The following FSTL4 variants were observed in gnomAD, a reference collection of about 807,000 sequenced individuals.
The protein encoded by FSTL4 is follistatin like 4, also known as follistatin-related protein 4.
In FSTL4, 28 loss-of-function variants were observed where a neutral mutation model predicts 78.2. The ratio of observed to expected loss-of-function variants is 0.36; its 90% CI spans 0.27 to 0.49. The LOEUF (loss-of-function observed/expected upper bound fraction) is 0.49. FSTL4 is among the 20% of genes least tolerant of loss of function. The pLI is 0.98. For synonymous variants in FSTL4, 422 were observed against 440.5 expected (o/e 0.96, Z 0.53); for missense variants, 922 against 1,084.9 (o/e 0.85, Z 2.11).
chr5:133,265,006 C>T (rs114131308), intron 6 of FSTL4, among the ~76,000 whole-genome samples: 3,307 of 152,268 alleles, frequency 0.022, 27 homozygotes, highest in Middle Eastern at 0.058. Context: ...AGCCAGGCAC[C>T]CTCCCACTCC....
At chr5:133,594,786 A>C (rs527708134) in intron 2 of FSTL4, among the ~76,000 whole-genome samples, 2 of 152,374 alleles carry the variant, frequency 1.3e-5, no homozygotes, top group African/African-American at 4.8e-5. Flanking sequence ...CCAGAAAGAG[A>C]AATAAATGGA....
At chr5:133,206,613 C>T (rs1374578639) in intron 14 of FSTL4, among the ~76,000 whole-genome samples, 7 of 152,144 alleles carry the variant, frequency 4.6e-5, no homozygotes, top group African/African-American at 9.7e-5. Flanking sequence ...TCATCCACCT[C>T]GGCCTCCCAA....
intron 3 of FSTL4, among the ~76,000 whole-genome samples, chr5:133,472,018 C>T (rs1193353241): frequency 6.6e-6 from 1 of 152,104 alleles, no homozygotes; most frequent in Non-Finnish European, 1.5e-5. Context: ...TCATCCTTGT[C>T]CATAGTGACC....
chr5:133,501,031 G>A (rs767762353), intron 3 of FSTL4, among the ~76,000 whole-genome samples: 10 of 152,100 alleles, frequency 6.6e-5, no homozygotes, highest in South Asian at 2.1e-4. Context: ...TCTAAGTGCC[G>A]TGCAATTTTA....
At chr5:133,536,955 T>C (rs1759362362) in intron 3 of FSTL4, among the ~76,000 whole-genome samples, 2 of 152,164 alleles carry the variant, frequency 1.3e-5, no homozygotes, top group Admixed American at 6.6e-5. Flanking sequence ...CCAGTGCAAA[T>C]ATGGAAAAGA....
In FSTL4 at chr5:133,210,310, A is replaced by G. The variant is rs1750665311; in HGVS notation, c.1609-12T>C. On this transcript the variant is annotated splice_polypyrimidine_tract_variant and intron_variant, in intron 13 of 15. Transcript: ENST00000265342. ...TCCACACCTATGGACTTGAAAAAAA[A>G]TAGTGACATGTTGTGAAAGCTGACA... The G allele has an allele frequency of 6.9e-7, 1 of 1,455,124 alleles. No homozygotes were observed. The highest frequency in any genetic ancestry group is 9.7e-7 in the Non-Finnish European group (1 of 1,034,950). 90.1% of individuals were successfully genotyped at this position (1,455,124 alleles called of 1,614,324 possible).
the FSTL4 span, among the ~76,000 whole-genome samples, chr5:133,777,832 C>T: frequency 1.3e-4 from 20 of 152,182 alleles, no homozygotes; most frequent in Admixed American, 1.3e-3. Flanking sequence ...TCCATTTTGT[C>T]ATTATTAAAA....
chr5:133,284,162 C>T (rs921737184), intron 6 of FSTL4, among the ~76,000 whole-genome samples: 1 of 152,184 alleles, frequency 6.6e-6, no homozygotes, highest in African/African-American at 2.4e-5. Context: ...GATGTTATCT[C>T]CACAGATGTG....
At chr5:133,830,851 G>A in the FSTL4 span, among the ~76,000 whole-genome samples, 19 of 152,222 alleles carry the variant, frequency 1.2e-4, no homozygotes, top group African/African-American at 4.3e-4. Flanking sequence ...TAAAGTCTGG[G>A]CCTAGGAACT....
chr5:133,219,398 A>G lies in FSTL4; in HGVS notation c.1458+1350T>C, dbSNP rs74749901. ...GAGACAACTGCAGCTTAGAGAGGCT[A>G]GGTAACTTTTCTAAAGCTACTTAGT... On this transcript the variant is annotated intron_variant, in intron 12 of 15. Coordinates refer to ENST00000265342, the MANE Select transcript of FSTL4 (RefSeq NM_015082.2). Among the ~76,000 whole-genome samples, 1,402 of 152,328 alleles carry G rather than the reference A, an allele frequency of 9.2e-3. 24 individuals are homozygous for G. Among genetic ancestry groups the G allele is most frequent in the African/African-American group, 0.032 (1,348 of 41,572 alleles).
At chr5:133,435,494 A>G (rs778231249) in intron 3 of FSTL4, among the ~76,000 whole-genome samples, 21 of 152,230 alleles carry the variant, frequency 1.4e-4, no homozygotes, top group Non-Finnish European at 2.9e-4. Context: ...GTTTTGGGAC[A>G]AGTGCTTTAG....
the FSTL4 span, among the ~76,000 whole-genome samples, chr5:133,664,920 T>G: frequency 6.6e-6 from 1 of 152,208 alleles, no homozygotes; most frequent in Non-Finnish European, 1.5e-5. Flanking sequence ...GATTAGGATA[T>G]GAAATCAATT....
intron 3 of FSTL4, among the ~76,000 whole-genome samples, chr5:133,560,345 A>G (rs890071508): frequency 2.0e-5 from 3 of 152,184 alleles, no homozygotes; most frequent in Middle Eastern, 3.2e-3. Context: ...TTCTGACACC[A>G]GTGCTCAGAA....
At chr5:133,376,533 T>C (rs924007606) in intron 4 of FSTL4, among the ~76,000 whole-genome samples, 2 of 152,130 alleles carry the variant, frequency 1.3e-5, no homozygotes, top group African/African-American at 4.8e-5. Context: ...GAAATGATGA[T>C]TTTGATTTTA....
rs554669398 is a variant in FSTL4, at chr5:133,306,474, T to C, written c.727+6180A>G. Among the ~76,000 whole-genome samples, 43 of 152,364 alleles carry C rather than the reference T, an allele frequency of 2.8e-4. 1 individual carries two copies. The highest frequency in any genetic ancestry group is 2.4e-4 in the Non-Finnish European group (16 of 68,030). ...TACTTTCATCTTCAATAAGGCATCA[T>C]TAGCCCATGTGAGAAGCAGGGGCTT... On this transcript the variant is annotated intron_variant, in intron 6 of 15. Transcript: ENST00000265342.
chr5:133,508,621 T>C (rs984574981), intron 3 of FSTL4, among the ~76,000 whole-genome samples: 8 of 152,170 alleles, frequency 5.3e-5, no homozygotes, highest in African/African-American at 2.4e-5. Flanking sequence ...GACTAAGTAA[T>C]CCAGAGATCA....
intron 15 of FSTL4, among the ~76,000 whole-genome samples, chr5:133,200,667 C>T (rs1750291919): frequency 6.6e-6 from 1 of 152,308 alleles, no homozygotes; most frequent in South Asian, 2.1e-4. Flanking sequence ...AAGCCTGACT[C>T]CAGGCAGGAC....
chr5:133,490,088 G>C (rs1023397581), intron 3 of FSTL4, among the ~76,000 whole-genome samples: 1 of 151,452 alleles, frequency 6.6e-6, no homozygotes, highest in Admixed American at 6.6e-5. Flanking sequence ...TACCTGCTCT[G>C]GTTTACATGT....
the FSTL4 span, among the ~76,000 whole-genome samples, chr5:133,722,574 C>T: frequency 0.26 from 39,260 of 152,052 alleles, 6,044 homozygotes; most frequent in African/African-American, 0.43. Context: ...ATGTGGAATT[C>T]TCTTTCAGAA....
Sources: allele counts gnomAD v4.1 joint callset (sites outside exome capture counted in the v4.1 genomes callset), GRCh38; gene constraint gnomAD v4.1.1; transcripts MANE v1.5; gene names NCBI Gene and HGNC (gene_info 2026-07-23, HGNC 2026-07-21).